The following PCDH7 variants were observed in gnomAD, a reference collection of about 807,000 sequenced individuals.
PCDH7 encodes protocadherin-7.
Under a neutral mutation model 58.9 loss-of-function variants are expected in PCDH7, and 17 were observed. The ratio of observed to expected loss-of-function variants is 0.29; its 90% CI spans 0.20 to 0.43. PCDH7 has a LOEUF of 0.43. Among genes scored for constraint, PCDH7 ranks in the 20% least tolerant of loss-of-function variants. The pLI is 1.00. For missense variants in PCDH7, 1,274 were observed against 1,441.0 expected (o/e 0.88, Z 1.88); for synonymous variants, 664 against 616.4 (o/e 1.08, Z -1.14).
At chr4:30,890,731 A>T (rs1738500579) in intron 1 of PCDH7, among the ~76,000 whole-genome samples, 1 of 152,124 alleles carries the variant, frequency 6.6e-6, no homozygotes. Context: ...ATTTATGGAG[A>T]GGTGCTTCAT....
chr4:31,131,824 A>G (rs1231158041), intron 3 of PCDH7, among the ~76,000 whole-genome samples: 1 of 152,222 alleles, frequency 6.6e-6, no homozygotes, highest in Non-Finnish European at 1.5e-5. Context: ...CCATGTTATT[A>G]GAATAACTGT....
At chr4:31,069,868 C>CATTTGATGT (rs879870496) in intron 3 of PCDH7, among the ~76,000 whole-genome samples, 1 of 151,226 alleles carries the variant, frequency 6.6e-6, no homozygotes, top group South Asian at 2.1e-4. Context: ...CTCAAATTTT[C>CATTTGATGT]TCCACTTGAT....
chr4:30,970,231 G>A (rs886873113), intron 3 of PCDH7, among the ~76,000 whole-genome samples: 1 of 152,220 alleles, frequency 6.6e-6, no homozygotes, highest in East Asian at 1.9e-4. Context: ...GTACAACAAA[G>A]TGTGACAAAG....
At chr4:30,778,302 G>C (rs1197908908) in intron 1 of PCDH7, among the ~76,000 whole-genome samples, 1 of 152,084 alleles carries the variant, frequency 6.6e-6, no homozygotes, top group East Asian at 1.9e-4. Flanking sequence ...GAGCAAAAGA[G>C]AAGCAAATAA....
intron 3 of PCDH7, among the ~76,000 whole-genome samples, chr4:31,102,484 A>T (rs2109301800): frequency 6.6e-6 from 1 of 152,188 alleles, no homozygotes; most frequent in Non-Finnish European, 1.5e-5. Context: ...GCACTTTGGG[A>T]GGCTGAGGTG....
rs1714014722 is a variant in PCDH7 at position 31,096,561 on chromosome 4, T to C, written c.*8-45912T>C. Among the ~76,000 whole-genome samples the C allele has an allele frequency of 1.3e-5, 2 of 152,196 alleles. 1 individual carries two copies. Among genetic ancestry groups the C allele is most frequent in the South Asian group, 4.1e-4 (2 of 4,828 alleles). On this transcript the variant is annotated intron_variant, in intron 3 of 3. Transcript: ENST00000509759. ...CTGTGGGAGCCACAGCCTCAGAAGG[T>C]TGAGTTAAATCTATGTCTAGAGTTT...
chr4:30,873,448 A>G lies in PCDH7; in HGVS notation c.71-46705A>G, dbSNP rs949861330. ...AAAAACCTCTTGGCTACCCAATGTT[A>G]TGTTAAAATTTAATACAAATTTAAT... On this transcript the variant is annotated intron_variant, in intron 1 of 3. Transcript: ENST00000509759. Among the ~76,000 whole-genome samples, 6 of 152,158 alleles carry G rather than the reference A, an allele frequency of 3.9e-5. No individual in the cohort carries two copies. In the South Asian group the frequency reaches 8.3e-4, roughly 21 times the overall value.
chr4:30,953,325 A>G (rs528894908), intron 3 of PCDH7, among the ~76,000 whole-genome samples: 36 of 152,210 alleles, frequency 2.4e-4, no homozygotes, highest in African/African-American at 8.2e-4. Context: ...GACAGACACT[A>G]TGTCATAATG....
At chr4:30,851,468 A>C (rs1054815208) in intron 1 of PCDH7, among the ~76,000 whole-genome samples, 4 of 152,016 alleles carry the variant, frequency 2.6e-5, no homozygotes, top group Non-Finnish European at 5.9e-5. Flanking sequence ...ACTGAAGAAA[A>C]GAGTGTTTAT....
intron 3 of PCDH7, among the ~76,000 whole-genome samples, chr4:31,046,053 C>G (rs28504467): frequency 6.6e-6 from 1 of 152,042 alleles, no homozygotes; most frequent in South Asian, 2.1e-4. Flanking sequence ...TCATCCACAA[C>G]CCTGCTATCT....
At chr4:30,860,355 T>C (rs1333397094) in intron 1 of PCDH7, among the ~76,000 whole-genome samples, 1 of 152,104 alleles carries the variant, frequency 6.6e-6, no homozygotes, top group African/African-American at 2.4e-5. Flanking sequence ...AAAAGTCACT[T>C]TGTACTGCTC....
At chr4:31,118,959 A>G (rs575611218) in intron 3 of PCDH7, among the ~76,000 whole-genome samples, 1 of 152,210 alleles carries the variant, frequency 6.6e-6, no homozygotes, top group Non-Finnish European at 1.5e-5. Flanking sequence ...GGGCGCTACT[A>G]AAAACTTTTT....
At chr4:31,079,351 T>TATATATAGATAG (rs1560628179) in intron 3 of PCDH7, among the ~76,000 whole-genome samples, 1 of 83,504 alleles carries the variant, frequency 1.2e-5, no homozygotes, top group Non-Finnish European at 2.3e-5. Flanking sequence ...TATATATATA[T>TATATATAGATAG]ATATATATAT....
chr4:30,886,673 C>T (rs1015657415), intron 1 of PCDH7, among the ~76,000 whole-genome samples: 9 of 150,966 alleles, frequency 6.0e-5, no homozygotes, highest in East Asian at 2.0e-4. Context: ...CACATGCACA[C>T]GTATGTTTAT....
intron 3 of PCDH7, among the ~76,000 whole-genome samples, chr4:30,954,409 T>C (rs978319260): frequency 3.9e-5 from 6 of 152,166 alleles, no homozygotes; most frequent in African/African-American, 1.4e-4. Flanking sequence ...AGTGCTGACA[T>C]AAATTTTTTC....
intron 1 of PCDH7, among the ~76,000 whole-genome samples, chr4:30,850,524 G>GA (rs1395774126): frequency 2.0e-5 from 3 of 151,964 alleles, no homozygotes; most frequent in Non-Finnish European, 4.4e-5. Flanking sequence ...ATAAACCAGG[G>GA]TTTTTCTTTT....
At chr4:31,037,366 C>T (rs764841759) in intron 3 of PCDH7, among the ~76,000 whole-genome samples, 3 of 152,178 alleles carry the variant, frequency 2.0e-5, no homozygotes, top group Admixed American at 6.5e-5. Context: ...AGTTAAGCAG[C>T]GATTACTTGC....
chr4:30,910,850 CA>C (rs1192104682), intron 1 of PCDH7, among the ~76,000 whole-genome samples: 1 of 152,154 alleles, frequency 6.6e-6, no homozygotes, highest in Non-Finnish European at 1.5e-5. Flanking sequence ...TATAAAGACA[CA>C]TGCACACGTA....
At chr4:31,145,907 T>C (rs1035838205), downstream of PCDH7, 5 of 152,140 alleles carry the variant, frequency 3.3e-5, no homozygotes, top group African/African-American at 7.2e-5. Flanking sequence ...TTGTACAGTA[T>C]ATAAACCATA....
Sources: gnomAD v4.1 joint callset for allele counts (sites outside exome capture counted in the v4.1 genomes callset) on GRCh38, gnomAD v4.1.1 for gene constraint, MANE v1.5 for transcripts, NCBI Gene and HGNC (gene_info 2026-07-23, HGNC 2026-07-21) for gene names.